Variants in PARD3 observed in about 807,000 individuals in gnomAD.
PARD3 encodes par-3 family cell polarity regulator.
Under a neutral mutation model 155.4 loss-of-function variants are expected in PARD3, and 75 were observed. The ratio of observed to expected loss-of-function variants is 0.48; its 90% CI spans 0.40 to 0.58. The LOEUF is 0.58. Ranked by LOEUF, PARD3 falls within the 20% of genes least tolerant of loss-of-function variation. The pLI is 0.00. For synonymous variants in PARD3, 576 were observed against 610.5 expected, an observed-to-expected ratio of 0.94 and a Z score of 0.83; for missense variants, 1,642 against 1,721.7, an observed-to-expected ratio of 0.95 and a Z score of 0.82.
At chr10:34,301,818 CT>C (rs5784408) in intron 20 of PARD3, among the ~76,000 whole-genome samples, 110 of 125,810 alleles carry the variant, frequency 8.7e-4, no homozygotes, top group African/African-American at 2.9e-3. Context: ...TTTCTCCTTT[CT>C]TTTTTTTTTT....
intron 1 of PARD3, among the ~76,000 whole-genome samples, chr10:34,716,446 T>C (rs941477252): frequency 2.0e-5 from 3 of 152,124 alleles, no homozygotes; most frequent in African/African-American, 7.2e-5. Flanking sequence ...ATGGACTACC[T>C]CAAACAACAA....
At chr10:34,147,134 TGAGTA>T (rs1948550603) in intron 22 of PARD3, among the ~76,000 whole-genome samples, 1 of 152,164 alleles carries the variant, frequency 6.6e-6, no homozygotes, top group African/African-American at 2.4e-5. Flanking sequence ...GACTCACTGT[TGAGTA>T]CTTTGTAGAA....
At chr10:34,681,730 T>TATATATA (rs2093826746) in intron 2 of PARD3, among the ~76,000 whole-genome samples, 8 of 29,974 alleles carry the variant, frequency 2.7e-4, no homozygotes, top group African/African-American at 7.3e-4. Context: ...CGTATGTATT[T>TATATATA]TATATATATA....
chr10:34,703,335 G>C (rs1490732113), intron 1 of PARD3, among the ~76,000 whole-genome samples: 2 of 151,976 alleles, frequency 1.3e-5, no homozygotes, highest in African/African-American at 4.8e-5. Flanking sequence ...GCTATGGTGA[G>C]TTACGACTGG....
At chr10:34,567,401 T>C (rs1289212000) in intron 2 of PARD3, among the ~76,000 whole-genome samples, 1 of 152,246 alleles carries the variant, frequency 6.6e-6, no homozygotes, top group African/African-American at 2.4e-5. Context: ...TTAAAATATA[T>C]ACATATGCAT....
chr10:34,404,132 G>A (rs1844190846), intron 5 of PARD3, among the ~76,000 whole-genome samples: 1 of 152,168 alleles, frequency 6.6e-6, no homozygotes, highest in African/African-American at 2.4e-5. Context: ...TGTCCAGTTT[G>A]GATGGCAACA....
chr10:34,271,722 A>G (rs1383997762), intron 21 of PARD3, among the ~76,000 whole-genome samples: 1 of 152,210 alleles, frequency 6.6e-6, no homozygotes, highest in South Asian at 2.1e-4. Flanking sequence ...AAATAAAAGT[A>G]CACAGATGGA....
intron 22 of PARD3, among the ~76,000 whole-genome samples, chr10:34,151,742 T>C (rs938855767): frequency 4.6e-5 from 7 of 152,218 alleles, no homozygotes; most frequent in African/African-American, 1.4e-4. Context: ...GATTTTCCCA[T>C]AGGAGCAATG....
intron 20 of PARD3, among the ~76,000 whole-genome samples, chr10:34,299,525 A>C (rs1957055621): frequency 6.6e-6 from 1 of 152,190 alleles, no homozygotes; most frequent in African/African-American, 2.4e-5. Context: ...GACCAGACTA[A>C]ATGGAAACTG....
chr10:34,309,896 CAAAAAAAA>C (rs552115285), intron 20 of PARD3, among the ~76,000 whole-genome samples: 1 of 95,582 alleles, frequency 1.0e-5, no homozygotes, highest in African/African-American at 5.0e-5. Context: ...ATCAACCATC[CAAAAAAAA>C]AAAAAAAAAA....
intron 3 of PARD3, among the ~76,000 whole-genome samples, chr10:34,507,445 G>A (rs1003834041): frequency 4.0e-5 from 6 of 151,304 alleles, no homozygotes; most frequent in Admixed American, 2.6e-4. Context: ...ACGTGGCAAC[G>A]GGAACAAAGA....
intron 2 of PARD3, among the ~76,000 whole-genome samples, chr10:34,660,527 C>T (rs768343578): frequency 3.8e-4 from 58 of 152,000 alleles, no homozygotes; most frequent in Non-Finnish European, 6.8e-4. Flanking sequence ...AAGGGAGCCT[C>T]GGAGGGCATG....
chr10:34,182,503 A>C (rs1950310364), intron 22 of PARD3, among the ~76,000 whole-genome samples: 1 of 152,176 alleles, frequency 6.6e-6, no homozygotes. Context: ...CTTTTCTACT[A>C]ATTTATACAG....
intron 7 of PARD3, among the ~76,000 whole-genome samples, chr10:34,389,016 C>A (rs1442159565): frequency 1.3e-5 from 2 of 151,924 alleles, no homozygotes; most frequent in Non-Finnish European, 2.9e-5. Flanking sequence ...CTAAGATAAA[C>A]CCTACTTGGC....
chr10:34,392,148 A>G (rs1842921631), intron 7 of PARD3, among the ~76,000 whole-genome samples: 1 of 152,200 alleles, frequency 6.6e-6, no homozygotes, highest in South Asian at 2.1e-4. Context: ...AATATAAAGA[A>G]AGAAAGAAAG....
At chr10:34,534,029 T>G (rs995251904) in intron 2 of PARD3, among the ~76,000 whole-genome samples, 1 of 152,078 alleles carries the variant, frequency 6.6e-6, no homozygotes, top group Admixed American at 6.6e-5. Context: ...AATTTCCACA[T>G]AGCCAACGGG....
At chr10:34,190,832 G>A (rs1950673898) in intron 22 of PARD3, among the ~76,000 whole-genome samples, 1 of 152,122 alleles carries the variant, frequency 6.6e-6, no homozygotes, top group African/African-American at 2.4e-5. Context: ...GGCCAACTTG[G>A]AGGATGCCGG....
At chr10:34,405,870 C>T (rs1025862053) in intron 5 of PARD3, among the ~76,000 whole-genome samples, 3 of 152,212 alleles carry the variant, frequency 2.0e-5, no homozygotes, top group Non-Finnish European at 2.9e-5. Flanking sequence ...GAACCTGAAT[C>T]TTTTAGACAG....
At chr10:34,674,806 C>T (rs1036743951) in intron 2 of PARD3, among the ~76,000 whole-genome samples, 5 of 152,194 alleles carry the variant, frequency 3.3e-5, no homozygotes, top group African/African-American at 1.2e-4. Flanking sequence ...GAATTCTTTC[C>T]TGAGCAAAGC....
Sources: allele counts gnomAD v4.1 joint callset (sites outside exome capture counted in the v4.1 genomes callset), GRCh38; gene constraint gnomAD v4.1.1; transcripts MANE v1.5; gene names NCBI Gene and HGNC (gene_info 2026-07-23, HGNC 2026-07-21).